Variants in SYTL5 observed in about 807,000 individuals in gnomAD.
The protein encoded by SYTL5 is synaptotagmin like 5, also known as synaptotagmin-like protein 5.
A neutral mutation model predicts 55.9 loss-of-function variants in SYTL5; 34 were observed. That is an observed-to-expected ratio of 0.61 (90% CI 0.46 to 0.81). The LOEUF (loss-of-function observed/expected upper bound fraction) is 0.81, where lower values mean the gene tolerates loss of function less well. Ranked by LOEUF, SYTL5 falls within the 30% of genes least tolerant of loss-of-function variation. SYTL5 has a pLI of 0.00. For missense variants in SYTL5, 637 were observed against 546.7 expected, an observed-to-expected ratio of 1.17 and a Z score of -1.65; for synonymous variants, 221 against 188.7, an observed-to-expected ratio of 1.17 and a Z score of -1.40.
At chrX:37,900,280 T>A in the SYTL5 span, among the ~76,000 whole-genome samples, 2 of 112,417 alleles carry the variant, frequency 1.8e-5, no homozygotes, top group Admixed American at 9.5e-5. Context: ...TTCTAGGCAT[T>A]GGGGATACAG....
intron 3 of SYTL5, among the ~76,000 whole-genome samples, chrX:38,060,024 A>G (rs1386533672): frequency 9.0e-6 from 1 of 111,601 alleles, no homozygotes; most frequent in African/African-American, 3.2e-5. Flanking sequence ...TCTTCAATCA[A>G]TTATAAGTCA....
At chrX:37,941,025 G>T in the SYTL5 span, among the ~76,000 whole-genome samples, 2 of 111,964 alleles carry the variant, frequency 1.8e-5, no homozygotes, top group African/African-American at 6.5e-5. Context: ...TGAATCAGTG[G>T]TAGAATTAGA....
At chrX:38,118,061 C>T (rs1427202009) in intron 13 of SYTL5, among the ~76,000 whole-genome samples, 1 of 111,560 alleles carries the variant, frequency 9.0e-6, no homozygotes, top group Non-Finnish European at 1.9e-5. Flanking sequence ...TTATAATTTT[C>T]TACTTATGAT....
intron 15 of SYTL5, among the ~76,000 whole-genome samples, chrX:38,124,231 A>C (rs1195814058): frequency 2.7e-5 from 3 of 111,771 alleles, no homozygotes. Flanking sequence ...TCACATGGCT[A>C]TTCCAGCTGC....
chrX:38,019,463 T>C (rs1313625673), intron 1 of SYTL5, among the ~76,000 whole-genome samples: 3 of 111,860 alleles, frequency 2.7e-5, no homozygotes, highest in Non-Finnish European at 5.6e-5. Flanking sequence ...TTTTTTCCTT[T>C]GTGTTCTCAA....
chrX:38,096,714 C>T (rs920311383), intron 9 of SYTL5, among the ~76,000 whole-genome samples: 10 of 110,768 alleles, frequency 9.0e-5, no homozygotes, highest in Non-Finnish European at 1.7e-4. Context: ...AGGTTATTTC[C>T]CAGTCTAATA....
the SYTL5 span, among the ~76,000 whole-genome samples, chrX:37,965,925 C>G: frequency 9.8e-5 from 11 of 112,305 alleles, no homozygotes; most frequent in Admixed American, 2.8e-4. Context: ...TACTGTTCCT[C>G]TCTTGATTAC....
chrX:37,942,163 T>C, the SYTL5 span, among the ~76,000 whole-genome samples: 1 of 112,422 alleles, frequency 8.9e-6, no homozygotes, highest in Non-Finnish European at 1.9e-5. Context: ...CATTAGTACA[T>C]TTTTCCTGTA....
the SYTL5 span, among the ~76,000 whole-genome samples, chrX:37,984,759 C>T: frequency 9.0e-6 from 1 of 110,642 alleles, no homozygotes; most frequent in African/African-American, 3.3e-5. Flanking sequence ...AACTTGAATC[C>T]AGCAACATAT....
intron 2 of SYTL5, among the ~76,000 whole-genome samples, chrX:38,042,994 A>G (rs147506179): frequency 0.043 from 4,809 of 111,560 alleles, 84 homozygotes; most frequent in Middle Eastern, 0.066. Flanking sequence ...ACCAATTTAA[A>G]TTTATAATAA....
intron 9 of SYTL5, among the ~76,000 whole-genome samples, chrX:38,099,779 T>C (rs1271801263): frequency 9.0e-6 from 1 of 111,689 alleles, no homozygotes; most frequent in Non-Finnish European, 1.9e-5. Flanking sequence ...GTTTTTAGTA[T>C]GAAAAGATGT....
chrX:38,072,669 T>C lies in SYTL5; in HGVS notation c.445+507T>C, dbSNP rs530405624. ...AGGGGGGCATTTCTGGTTGTCACAGTGACTGGTGAGTCAATGGCATTTGGT... is the reference window on the plus strand; with the variant it reads ...AGGGGGGCATTTCTGGTTGTCACAGCGACTGGTGAGTCAATGGCATTTGGT... On this transcript the variant is annotated intron_variant, in intron 4 of 16. Transcript: ENST00000297875. Among the ~76,000 whole-genome samples the C allele has an allele frequency of 9.9e-4, 111 of 111,998 alleles. 2 individuals carry two copies. Among genetic ancestry groups the C allele is most frequent in the Middle Eastern group, 4.6e-3 (1 of 217 alleles).
intron 3 of SYTL5, among the ~76,000 whole-genome samples, chrX:38,060,129 C>T (rs1018770408): frequency 1.8e-5 from 2 of 111,274 alleles, no homozygotes; most frequent in Admixed American, 9.6e-5. Flanking sequence ...AAGGTAATTA[C>T]TGAGGTATAC....
At chrX:38,120,654 T>C (rs1263756779) in intron 14 of SYTL5, among the ~76,000 whole-genome samples, 188 bp downstream of exon 14, 33 of 111,043 alleles carry the variant, frequency 3.0e-4, no homozygotes, top group Non-Finnish European at 5.3e-4. Context: ...GCAGGACTCT[T>C]ACAAGGAATC....
chrX:37,952,786 G>A, the SYTL5 span, among the ~76,000 whole-genome samples: 2 of 111,408 alleles, frequency 1.8e-5, no homozygotes, highest in East Asian at 5.6e-4. Flanking sequence ...ATAGATTCAA[G>A]AAGTATTCAA....
intron 10 of SYTL5, among the ~76,000 whole-genome samples, chrX:38,105,439 C>T (rs1191911719): frequency 8.9e-6 from 1 of 112,189 alleles, no homozygotes; most frequent in Non-Finnish European, 1.9e-5. Flanking sequence ...TCTGGAAAGG[C>T]GTGACAACAC....
At chrX:37,926,375 CT>C in the SYTL5 span, among the ~76,000 whole-genome samples, 110 of 103,919 alleles carry the variant, frequency 1.1e-3, no homozygotes, top group African/African-American at 2.0e-3. Context: ...TTATTATTTA[CT>C]TTTTTTTTTT....
At chrX:37,971,965 C>G in the SYTL5 span, among the ~76,000 whole-genome samples, 4 of 110,356 alleles carry the variant, frequency 3.6e-5, no homozygotes, top group South Asian at 1.2e-3. Flanking sequence ...GTCTCAGTTT[C>G]TCTCTCCAGA....
intron 3 of SYTL5, among the ~76,000 whole-genome samples, chrX:38,070,823 T>C (rs1602365405): frequency 8.9e-6 from 1 of 112,086 alleles, no homozygotes; most frequent in Non-Finnish European, 1.9e-5. Flanking sequence ...GAATGACTTC[T>C]ACAGCTGTTA....
Sources: gnomAD v4.1 joint callset for allele counts (sites outside exome capture counted in the v4.1 genomes callset) on GRCh38, gnomAD v4.1.1 for gene constraint, MANE v1.5 for transcripts, NCBI Gene and HGNC (gene_info 2026-07-23, HGNC 2026-07-21) for gene names.